IL1RAPL1: variants seen among roughly 807,000 people sequenced by gnomAD.
IL1RAPL1 encodes interleukin-1 receptor accessory protein-like 1.
IL1RAPL1 carries 3 observed loss-of-function variants against 48.4 expected under a neutral mutation model. The ratio of observed to expected loss-of-function variants is 0.06; its 90% CI spans 0.03 to 0.16. The LOEUF (loss-of-function observed/expected upper bound fraction) is 0.16. Among genes scored for constraint, IL1RAPL1 ranks in the 10% least tolerant of loss-of-function variants. IL1RAPL1 has a pLI of 1.00. For missense variants in IL1RAPL1, 349 were observed against 530.6 expected (o/e 0.66, Z 3.36); for synonymous variants, 185 against 187.7 (o/e 0.99, Z 0.12).
intron 5 of IL1RAPL1, among the ~76,000 whole-genome samples, chrX:29,428,264 C>T (rs908789912): frequency 2.0e-4 from 22 of 111,896 alleles, no homozygotes; most frequent in African/African-American, 7.1e-4. Context: ...AATTTATACT[C>T]TAGTAAGTAT....
At chrX:29,620,962 T>C (rs1292624733) in intron 5 of IL1RAPL1, among the ~76,000 whole-genome samples, 1 of 112,174 alleles carries the variant, frequency 8.9e-6, no homozygotes, top group Non-Finnish European at 1.9e-5. Flanking sequence ...GTTAGAACCT[T>C]CTTTAAATAG....
intron 5 of IL1RAPL1, among the ~76,000 whole-genome samples, chrX:29,588,474 G>A (rs1415184491): frequency 1.8e-5 from 2 of 112,408 alleles, no homozygotes; most frequent in Admixed American, 9.4e-5. Flanking sequence ...TAGTCTAGAA[G>A]CTGTTCCTGA....
At chrX:28,765,379 C>T (rs1279090499) in intron 1 of IL1RAPL1, among the ~76,000 whole-genome samples, 2 of 110,734 alleles carry the variant, frequency 1.8e-5, no homozygotes, top group African/African-American at 6.6e-5. Context: ...GTTTGCTTAC[C>T]CCTGCCCTAA....
At chrX:29,925,783 T>C (rs1301629951) in intron 8 of IL1RAPL1, among the ~76,000 whole-genome samples, 2 of 110,821 alleles carry the variant, frequency 1.8e-5, no homozygotes, top group African/African-American at 3.3e-5. Context: ...TAAGCGATCC[T>C]CCTGTCTCAG....
intron 1 of IL1RAPL1, among the ~76,000 whole-genome samples, chrX:28,716,032 T>G (rs1257186330): frequency 8.9e-5 from 10 of 112,070 alleles, no homozygotes. Context: ...TGGTTCAACA[T>G]ACACAAATCA....
intron 3 of IL1RAPL1, among the ~76,000 whole-genome samples, chrX:29,382,679 T>A (rs1296406982): frequency 8.9e-6 from 1 of 111,805 alleles, no homozygotes; most frequent in African/African-American, 3.3e-5. Context: ...GCTGTTTTAT[T>A]TATGTATTTG....
chrX:28,664,760 G>C (rs1934857072), intron 1 of IL1RAPL1, among the ~76,000 whole-genome samples: 1 of 111,694 alleles, frequency 9.0e-6, no homozygotes, highest in Non-Finnish European at 1.9e-5. Context: ...GAATCAGGAA[G>C]ACTAAATGAA....
chrX:29,435,197 C>T (rs1934469162), intron 5 of IL1RAPL1, among the ~76,000 whole-genome samples: 1 of 111,411 alleles, frequency 9.0e-6, no homozygotes. Flanking sequence ...TTTAGACATT[C>T]ATCACATTGA....
intron 6 of IL1RAPL1, among the ~76,000 whole-genome samples, chrX:29,828,681 T>C (rs1189534435): frequency 2.7e-5 from 3 of 112,125 alleles, no homozygotes; most frequent in African/African-American, 9.7e-5. Context: ...TTTATTTCTA[T>C]GATATATAGC....
intron 6 of IL1RAPL1, among the ~76,000 whole-genome samples, chrX:29,899,761 C>G (rs1263358537): frequency 1.8e-5 from 2 of 110,113 alleles, no homozygotes; most frequent in African/African-American, 3.3e-5. Context: ...CCAGGTTGGT[C>G]TCGAACTCCT....
intron 1 of IL1RAPL1, among the ~76,000 whole-genome samples, chrX:28,665,818 A>T (rs922133822): frequency 8.9e-6 from 1 of 112,185 alleles, no homozygotes; most frequent in Non-Finnish European, 1.9e-5. Flanking sequence ...AGCAGCAAAG[A>T]TCATTTGAAA....
chrX:29,528,193 T>C (rs1222582013), intron 5 of IL1RAPL1, among the ~76,000 whole-genome samples: 1 of 112,562 alleles, frequency 8.9e-6, no homozygotes, highest in Non-Finnish European at 1.9e-5. Flanking sequence ...CAAATATATG[T>C]ACATATAAAG....
intron 2 of IL1RAPL1, among the ~76,000 whole-genome samples, chrX:29,192,737 C>T (rs991499148): frequency 9.0e-5 from 10 of 111,413 alleles, no homozygotes; most frequent in African/African-American, 3.2e-4. Context: ...ATAAAACAGA[C>T]AAAAAATATA....
intron 5 of IL1RAPL1, among the ~76,000 whole-genome samples, chrX:29,524,595 T>C (rs1273712721): frequency 9.0e-6 from 1 of 111,695 alleles, no homozygotes; most frequent in Admixed American, 9.6e-5. Context: ...TAACTGTCAT[T>C]TTTGTACAGG....
chrX:29,111,006 AAAAG>A (rs1463340853), intron 2 of IL1RAPL1, among the ~76,000 whole-genome samples: 1 of 111,777 alleles, frequency 8.9e-6, no homozygotes, highest in Non-Finnish European at 1.9e-5. Flanking sequence ...ATTTTGAAAA[AAAAG>A]GTATTTTGTT....
intron 6 of IL1RAPL1, among the ~76,000 whole-genome samples, chrX:29,915,648 G>A (rs1289219296): frequency 2.8e-5 from 3 of 105,388 alleles, no homozygotes; most frequent in African/African-American, 1.0e-4. Flanking sequence ...GAGGCTTCCA[G>A]TACTTAAGAA....
chrX:29,363,660 C>T (rs746122497), intron 3 of IL1RAPL1, among the ~76,000 whole-genome samples: 2 of 111,197 alleles, frequency 1.8e-5, no homozygotes, highest in African/African-American at 3.3e-5. Context: ...TTCTGCATCT[C>T]GGGAGGCCTC....
chrX:29,299,813 CAAACCTCATGTTGAAATTT>C (rs1932504944), intron 3 of IL1RAPL1, among the ~76,000 whole-genome samples: 1 of 112,056 alleles, frequency 8.9e-6, no homozygotes, highest in South Asian at 3.7e-4. Context: ...TTTGTTTCCC[CAAACCTCATGTTGAAATTT>C]GATCCCAGAG....
At chrX:29,032,023 A>G (rs1926630100) in intron 2 of IL1RAPL1, among the ~76,000 whole-genome samples, 1 of 111,671 alleles carries the variant, frequency 9.0e-6, no homozygotes, top group Non-Finnish European at 1.9e-5. Context: ...CTACTTATCT[A>G]TCTGTTTTTA....
Sources: allele counts gnomAD v4.1 joint callset (sites outside exome capture counted in the v4.1 genomes callset), GRCh38; gene constraint gnomAD v4.1.1; transcripts MANE v1.5; gene names NCBI Gene and HGNC (gene_info 2026-07-23, HGNC 2026-07-21).